The following ADAM22 variants were observed in gnomAD, a reference collection of about 807,000 sequenced individuals.
ADAM22 encodes the protein disintegrin and metalloproteinase domain-containing protein 22.
Under a neutral mutation model 144.6 loss-of-function variants are expected in ADAM22, and 65 were observed. The ratio of observed to expected loss-of-function variants is 0.45; its 90% CI spans 0.37 to 0.55. The LOEUF is 0.55. ADAM22 is among the 20% of genes least tolerant of loss of function. The pLI, the probability that ADAM22 is intolerant of heterozygous loss-of-function variation, is 0.00. For synonymous variants in ADAM22, 391 were observed against 412.6 expected, an observed-to-expected ratio of 0.95 and a Z score of 0.63; for missense variants, 974 against 1,184.9, an observed-to-expected ratio of 0.82 and a Z score of 2.61.
At position 88,036,815 on chromosome 7, in the gene ADAM22, AAGAG is replaced by A. The variant is rs148409785; in HGVS notation, c.324-38808_324-38805del. Among the ~76,000 whole-genome samples the A allele has an allele frequency of 8.4e-3, 1,279 of 152,252 alleles. 19 individuals carry two copies. The highest frequency in any genetic ancestry group is 0.03 in the African/African-American group (1,229 of 41,572). ...TAACAAAAACAGAAATAAAAAGAAAAAGAGAGCCTCCTCCTATGTAATCTTACCA... is the reference window on the plus strand; with the variant it reads ...TAACAAAAACAGAAATAAAAAGAAAAAGCCTCCTCCTATGTAATCTTACCA... On this transcript the variant is annotated intron_variant, in intron 3 of 31. Coordinates refer to ENST00000413139, the MANE Select transcript of ADAM22 (RefSeq NM_001324418.2).
chr7:87,964,824 C>T (rs1848692567), intron 2 of ADAM22: 1 of 249,040 alleles, frequency 4.0e-6, no homozygotes, highest in African/African-American at 2.3e-5. Flanking sequence ...GAGACACCAG[C>T]TGGTAGTATG....
Position 88,196,579 on chromosome 7 carries a change from T to G in ADAM22, c.*88T>G. The G allele has an allele frequency of 7.1e-7, 1 of 1,408,592 alleles. No individual in the cohort carries two copies. Among genetic ancestry groups the G allele is most frequent in the Non-Finnish European group, 1.0e-6 (1 of 996,092 alleles). 87.3% of individuals were successfully genotyped at this position (1,408,592 alleles called of 1,614,324 possible). On this transcript the variant is annotated 3_prime_UTR_variant, in exon 32 of 32. Transcript: ENST00000413139. ...CTCATGGAATCACTGCAAATCTATC[T>G]GCTCTTCAGACAATACGAAGACCCT...
intron 3 of ADAM22, among the ~76,000 whole-genome samples, chr7:88,061,618 C>A (rs1809877507): frequency 6.6e-6 from 1 of 152,058 alleles, no homozygotes; most frequent in Non-Finnish European, 1.5e-5. Context: ...AGCAGTAGAT[C>A]TCAATGACGG....
At chr7:88,090,690 G>C (rs1455994661) in intron 4 of ADAM22, among the ~76,000 whole-genome samples, 1 of 152,012 alleles carries the variant, frequency 6.6e-6, no homozygotes, top group African/African-American at 2.4e-5. Context: ...ACAAGAATAA[G>C]AGCTCAACTT....
At chr7:88,032,005 A>C (rs1800388894) in intron 3 of ADAM22, among the ~76,000 whole-genome samples, 3 of 152,208 alleles carry the variant, frequency 2.0e-5, no homozygotes, top group South Asian at 2.1e-4. Context: ...GATGTATAGA[A>C]ATACCTGGAT....
intron 3 of ADAM22, among the ~76,000 whole-genome samples, chr7:88,015,472 G>A (rs1796365343): frequency 6.6e-6 from 1 of 152,218 alleles, no homozygotes; most frequent in Non-Finnish European, 1.5e-5. Flanking sequence ...TCACAGGCAT[G>A]CATAGCTGCA....
intron 12 of ADAM22, 115 bp downstream of exon 12, chr7:88,133,066 A>G (rs1832188715): frequency 1.1e-6 from 1 of 906,574 alleles, no homozygotes; most frequent in South Asian, 1.6e-5. Flanking sequence ...TTGCTATATT[A>G]CAAATCAGTA....
chr7:88,135,997 G>A lies in ADAM22; in HGVS notation c.1186G>A (p.Asp396Asn), dbSNP rs746345072. Residue 396 changes from aspartate (D) to asparagine (N), a missense_variant, in exon 14 of 32, where the codon GAC becomes AAC. This residue lies in a region of ADAM22 where 734 missense variants were observed against 950.6 expected (regional missense o/e 0.77). Transcript: ENST00000413139. The stretch of plus-strand genomic sequence containing the variant: ...TCTCTTAGGTGAATGTAAATGCGAG[G>A]ACACGTGGTCCGGGTGCATAATGGG... ...KLASGECKCE[D>N]TWSGCIMGDT... 6 of 1,612,010 alleles carry A rather than the reference G, an allele frequency of 3.7e-6. No individual in the cohort carries two copies. Among genetic ancestry groups the A allele is most frequent in the Non-Finnish European group, 4.2e-6 (5 of 1,178,992 alleles).
At chr7:87,999,662 G>A (rs1792067041) in intron 3 of ADAM22, among the ~76,000 whole-genome samples, 1 of 152,232 alleles carries the variant, frequency 6.6e-6, no homozygotes, top group East Asian at 1.9e-4. Context: ...GGAAACTTAC[G>A]ATGCTTATTC....
intron 3 of ADAM22, among the ~76,000 whole-genome samples, chr7:87,991,521 C>T (rs1025622029): frequency 2.0e-5 from 3 of 151,876 alleles, no homozygotes; most frequent in South Asian, 2.1e-4. Flanking sequence ...CGCCCGCCAC[C>T]GCGCCCGGCT....
chr7:88,063,749 A>G (rs190854520), intron 3 of ADAM22, among the ~76,000 whole-genome samples: 1 of 152,292 alleles, frequency 6.6e-6, no homozygotes, highest in Admixed American at 6.5e-5. Context: ...GGGAAAGATC[A>G]GAATCAGAAT....
chr7:88,134,248 G>A (rs1832495370), intron 12 of ADAM22, 81 bp from the exon 13 acceptor site: 5 of 1,052,020 alleles, frequency 4.8e-6, no homozygotes, highest in East Asian at 2.5e-5. Flanking sequence ...TATTTTCAGC[G>A]ATATTGTGAC....
intron 22 of ADAM22, among the ~76,000 whole-genome samples, chr7:88,156,434 AT>A (rs1265039195): frequency 6.6e-6 from 1 of 152,154 alleles, no homozygotes; most frequent in Non-Finnish European, 1.5e-5. Context: ...TAGCAACAAT[AT>A]TTTGTTATGT....
intron 7 of ADAM22, among the ~76,000 whole-genome samples, chr7:88,125,331 G>T (rs1250588629): frequency 1.3e-5 from 2 of 151,870 alleles, no homozygotes; most frequent in Non-Finnish European, 2.9e-5. Context: ...ATAAAGTAAT[G>T]ATATTTATAA....
chr7:88,127,844 C>G (rs1830799202), intron 8 of ADAM22, among the ~76,000 whole-genome samples: 1 of 151,980 alleles, frequency 6.6e-6, no homozygotes, highest in African/African-American at 2.4e-5. Flanking sequence ...ATATTATAGG[C>G]TAACTGTAGA....
intron 15 of ADAM22, among the ~76,000 whole-genome samples, chr7:88,144,746 C>A (rs1835844370): frequency 6.6e-6 from 1 of 152,054 alleles, no homozygotes. Context: ...AGATTTTAAT[C>A]TAGACATCTG....
chr7:88,127,221 A>G (rs1002566879), intron 8 of ADAM22, among the ~76,000 whole-genome samples: 1 of 151,982 alleles, frequency 6.6e-6, no homozygotes, highest in Non-Finnish European at 1.5e-5. Flanking sequence ...GAATAGGACA[A>G]TATTCTTTTG....
At chr7:88,036,868 C>T (rs1468020287) in intron 3 of ADAM22, among the ~76,000 whole-genome samples, 1 of 152,034 alleles carries the variant, frequency 6.6e-6, no homozygotes, top group African/African-American at 2.4e-5. Flanking sequence ...GTTGGCTTTT[C>T]CTTCTTTTCT....
chr7:88,153,162 A>G, intron 20 of ADAM22, 59 bp from the exon 21 acceptor site: 1 of 1,226,352 alleles, frequency 8.2e-7, no homozygotes. Context: ...TTTTCTGCAA[A>G]GCTTTTGAGC....
Sources: allele counts gnomAD v4.1 joint callset (sites outside exome capture counted in the v4.1 genomes callset), GRCh38; gene constraint gnomAD v4.1.1; regional missense constraint gnomAD v4.1.1; transcripts MANE v1.5; gene names NCBI Gene and HGNC (gene_info 2026-07-23, HGNC 2026-07-21).